GADL1: variants seen among roughly 807,000 people sequenced by gnomAD.
GADL1 encodes GAD like acidic amino acid decarboxylase 1, also known as acidic amino acid decarboxylase GADL1.
In GADL1, 71 loss-of-function variants were observed where a neutral mutation model predicts 69.5. The ratio of observed to expected loss-of-function variants is 1.02; its 90% CI spans 0.84 to 1.25. The LOEUF is 1.25. GADL1 is among the 50% of genes most tolerant of loss of function. GADL1 has a pLI of 0.00. For missense variants in GADL1, 737 were observed against 631.8 expected (o/e 1.17, Z -1.79); for synonymous variants, 254 against 214.4 (o/e 1.18, Z -1.62).
At chr3:30,756,752 A>G (rs1559489324) in intron 14 of GADL1, among the ~76,000 whole-genome samples, 1 of 152,198 alleles carries the variant, frequency 6.6e-6, no homozygotes, top group East Asian at 1.9e-4. Context: ...ACCCTTCAGC[A>G]GCAAACACAG....
intron 14 of GADL1, among the ~76,000 whole-genome samples, chr3:30,740,117 A>T (rs1054404851): frequency 2.0e-5 from 3 of 152,176 alleles, no homozygotes; most frequent in Admixed American, 2.0e-4. Flanking sequence ...CACAAGGGGT[A>T]AGAAGAAAGC....
intron 6 of GADL1, among the ~76,000 whole-genome samples, chr3:30,847,574 G>A (rs906932284): frequency 2.0e-5 from 3 of 152,172 alleles, no homozygotes; most frequent in African/African-American, 7.2e-5. Context: ...TTAAAATAGT[G>A]CAAATGCTAT....
At chr3:30,755,832 C>T (rs1223573592) in intron 14 of GADL1, among the ~76,000 whole-genome samples, 2 of 122,780 alleles carry the variant, frequency 1.6e-5, no homozygotes, top group African/African-American at 3.2e-5. Context: ...TACTTTTTTT[C>T]CTACCAAGAG....
At chr3:30,756,061 C>T (rs1425939219) in intron 14 of GADL1, among the ~76,000 whole-genome samples, 1 of 152,136 alleles carries the variant, frequency 6.6e-6, no homozygotes, top group Admixed American at 6.6e-5. Flanking sequence ...TAGGGCTGTG[C>T]AGGAGGAGTT....
intron 1 of GADL1, among the ~76,000 whole-genome samples, chr3:30,882,436 G>C (rs1038797878): frequency 4.6e-5 from 7 of 151,796 alleles, no homozygotes; most frequent in Non-Finnish European, 8.8e-5. Context: ...TTATAGTATT[G>C]GTCTTTTTGT....
At chr3:30,822,469 G>A (rs1474444025) in intron 11 of GADL1, among the ~76,000 whole-genome samples, 1 of 151,992 alleles carries the variant, frequency 6.6e-6, no homozygotes, top group Admixed American at 6.6e-5. Flanking sequence ...TTAAACCCAA[G>A]GAGCCTCTGT....
chr3:30,757,438 GAATT>G (rs1037510014), intron 14 of GADL1, among the ~76,000 whole-genome samples: 18 of 152,050 alleles, frequency 1.2e-4, no homozygotes, highest in African/African-American at 3.4e-4. Context: ...AAAGTGAAAA[GAATT>G]AAAGACATGA....
intron 14 of GADL1, among the ~76,000 whole-genome samples, chr3:30,736,171 TA>T (rs768853080): frequency 6.6e-6 from 1 of 152,132 alleles, no homozygotes. Flanking sequence ...ACACCCATTT[TA>T]TACATGTTTT....
At chr3:30,855,216 C>A (rs918477713) in intron 3 of GADL1, among the ~76,000 whole-genome samples, 1 of 152,088 alleles carries the variant, frequency 6.6e-6, no homozygotes, top group Admixed American at 6.6e-5. Flanking sequence ...CATCGTAGAG[C>A]CCTTTCTACT....
At chr3:30,886,009 C>G (rs73065056) in intron 1 of GADL1, among the ~76,000 whole-genome samples, 1 of 151,798 alleles carries the variant, frequency 6.6e-6, no homozygotes, top group African/African-American at 2.4e-5. Flanking sequence ...ATAAAGAGAT[C>G]AAAAACAGAT....
intron 9 of GADL1, among the ~76,000 whole-genome samples, chr3:30,836,694 A>G (rs1697880352): frequency 6.6e-6 from 1 of 152,074 alleles, no homozygotes; most frequent in African/African-American, 2.4e-5. Flanking sequence ...CCATGATTTT[A>G]AATACGTTTG....
chr3:30,798,594 T>A (rs900690495), intron 12 of GADL1: 1 of 152,110 alleles, frequency 6.6e-6, no homozygotes, highest in African/African-American at 2.4e-5. Flanking sequence ...CCAAACTATG[T>A]CATTCTGCCC....
At chr3:30,814,510 C>G (rs1553641044) in intron 11 of GADL1, among the ~76,000 whole-genome samples, 1 of 152,136 alleles carries the variant, frequency 6.6e-6, no homozygotes, top group African/African-American at 2.4e-5. Context: ...ATGGTTGTAG[C>G]ATGAAAGCTG....
At chr3:30,798,057 C>T (rs1169020796) in intron 12 of GADL1, 1 of 152,288 alleles carries the variant, frequency 6.6e-6, no homozygotes, top group East Asian at 1.9e-4. Context: ...CTAATGTTTA[C>T]TACAAGGCAA....
chr3:30,735,539 G>T (rs866779530), intron 14 of GADL1, among the ~76,000 whole-genome samples: 10 of 152,150 alleles, frequency 6.6e-5, no homozygotes, highest in South Asian at 4.1e-4. Context: ...AGACTCAAAG[G>T]CTGCCTTCTA....
At chr3:30,865,952 C>T (rs1413251291) in intron 1 of GADL1, among the ~76,000 whole-genome samples, 1 of 151,902 alleles carries the variant, frequency 6.6e-6, no homozygotes, top group Non-Finnish European at 1.5e-5. Flanking sequence ...TGTATAGGAT[C>T]AACTTTTGCT....
intron 14 of GADL1, among the ~76,000 whole-genome samples, chr3:30,755,642 T>G (rs1403190683): frequency 6.6e-6 from 1 of 152,346 alleles, no homozygotes; most frequent in South Asian, 2.1e-4. Flanking sequence ...CGGTAGTGTT[T>G]AAATGTCTGA....
In GADL1 at chr3:30,860,963, G is replaced by A. The variant is rs529920062; in HGVS notation, c.210+630C>T. ...CTTTTGAAAGGATTAAATGCATAAG[G>A]AGTAGTCCTTAGAACATAGTAAGTA... On this transcript the variant is annotated intron_variant, in intron 2 of 14. Coordinates refer to ENST00000282538, the MANE Select transcript of GADL1 (RefSeq NM_207359.3). Among the ~76,000 whole-genome samples, 4 of 152,060 alleles carry A rather than the reference G, an allele frequency of 2.6e-5. No homozygotes were observed. The East Asian group carries it at 7.8e-4, about 30-fold the overall frequency.
intron 8 of GADL1, among the ~76,000 whole-genome samples, chr3:30,839,820 G>A (rs1374643003): frequency 3.9e-5 from 6 of 152,052 alleles, no homozygotes; most frequent in Admixed American, 3.3e-4. Context: ...GGGAAATAGA[G>A]AAGAAAAGGG....
Sources: allele counts gnomAD v4.1 joint callset (sites outside exome capture counted in the v4.1 genomes callset), GRCh38; gene constraint gnomAD v4.1.1; transcripts MANE v1.5; gene names NCBI Gene and HGNC (gene_info 2026-07-23, HGNC 2026-07-21).